The following PPIL6 variants were observed in gnomAD, a reference collection of about 807,000 sequenced individuals.
PPIL6 encodes the protein peptidylprolyl isomerase like 6.
A neutral mutation model predicts 36.8 loss-of-function variants in PPIL6; 39 were observed. That is an observed-to-expected ratio of 1.06 (90% CI 0.82 to 1.38). The LOEUF (loss-of-function observed/expected upper bound fraction) is 1.38. Among genes scored for constraint, PPIL6 ranks in the 40% most tolerant of loss-of-function variants. The pLI is 0.00. For missense variants in PPIL6, 368 were observed against 379.1 expected, an observed-to-expected ratio of 0.97 and a Z score of 0.24; for synonymous variants, 123 against 134.1, an observed-to-expected ratio of 0.92 and a Z score of 0.57.
chr6:109,416,131 C>T (rs1345900010), intron 6 of PPIL6, among the ~76,000 whole-genome samples: 1 of 151,248 alleles, frequency 6.6e-6, no homozygotes, highest in Non-Finnish European at 1.5e-5. Context: ...CACAACAGTA[C>T]AGTTAGCCTA....
intron 7 of PPIL6, among the ~76,000 whole-genome samples, chr6:109,396,684 C>G (rs966619758): frequency 2.0e-5 from 3 of 152,048 alleles, no homozygotes; most frequent in Non-Finnish European, 4.4e-5. Flanking sequence ...ATAATTCCCC[C>G]TCCCCCAAAC....
chr6:109,424,307 T>A (rs770905328), intron 5 of PPIL6, among the ~76,000 whole-genome samples: 1 of 152,054 alleles, frequency 6.6e-6, no homozygotes, highest in Non-Finnish European at 1.5e-5. Context: ...TCAGGGCCAA[T>A]GCATGCTTGA....
At chr6:109,404,472 A>C (rs1252084780) in intron 6 of PPIL6, among the ~76,000 whole-genome samples, 2 of 152,262 alleles carry the variant, frequency 1.3e-5, no homozygotes, top group Middle Eastern at 3.4e-3. Context: ...TTCTTTTCCC[A>C]CAGCACTCAG....
At position 109,401,815 on chromosome 6, in the gene PPIL6, C is replaced by CCT. The variant is rs397726632; in HGVS notation, c.689-1646_689-1645insAG. 1.4e-4 allele frequency among the ~76,000 whole-genome samples: 5 copies of CCT among 36,928 alleles called. No individual in the cohort carries two copies. The African/African-American group carries it at 1.4e-3, about 11-fold the overall frequency. The allele number at this position is 36,928 out of a possible 152,430, so 24.2% of individuals were successfully genotyped here. A position where few individuals can be genotyped will look rare whatever the true frequency, so the allele number is the denominator to read the frequency against. ...TCTTGGTTCACTGCAAGCTGCGCCT[C>CCT]GGGTTCATGCCATTCTCCTGCCTCA... is the stretch of plus-strand genomic sequence containing the variant. On this transcript the variant is annotated intron_variant, in intron 6 of 7. Transcript: ENST00000521072.
chr6:109,417,745 C>T (rs1454819083), intron 6 of PPIL6, among the ~76,000 whole-genome samples: 1 of 152,198 alleles, frequency 6.6e-6, no homozygotes, highest in Non-Finnish European at 1.5e-5. Flanking sequence ...TGCATAAAGG[C>T]CATTGCGACC....
chr6:109,416,665 T>A (rs556637787), intron 6 of PPIL6, among the ~76,000 whole-genome samples: 6 of 152,282 alleles, frequency 3.9e-5, no homozygotes, highest in African/African-American at 1.4e-4. Flanking sequence ...TATCTGGACA[T>A]TTTTAAAGCC....
intron 6 of PPIL6, among the ~76,000 whole-genome samples, chr6:109,412,388 C>T (rs1293338080): frequency 6.6e-6 from 1 of 152,194 alleles, no homozygotes; most frequent in Non-Finnish European, 1.5e-5. Context: ...ATAGAAAAAA[C>T]AATCCTAAAA....
intron 6 of PPIL6, among the ~76,000 whole-genome samples, chr6:109,411,219 G>A (rs1325188863): frequency 1.3e-5 from 2 of 152,164 alleles, no homozygotes; most frequent in South Asian, 4.1e-4. Context: ...AATTCTGGCA[G>A]GAATTGGCAG....
chr6:109,440,703 G>T, upstream of PPIL6: 1 of 786,604 alleles, frequency 1.3e-6, no homozygotes, highest in Non-Finnish European at 1.6e-6. Context: ...GTCGAGGGCG[G>T]CCCGTGGCGG....
At chr6:109,401,026 A>ATTTTTTTTTTTT (rs749611966) in intron 6 of PPIL6, among the ~76,000 whole-genome samples, 194 of 114,852 alleles carry the variant, frequency 1.7e-3, no homozygotes, top group Middle Eastern at 5.0e-3. Flanking sequence ...TGCCCGGCTA[A>ATTTTTTTTTTTT]TTTTTTTTTT....
intron 6 of PPIL6, among the ~76,000 whole-genome samples, chr6:109,402,106 G>T (rs960247079): frequency 6.6e-6 from 1 of 152,086 alleles, no homozygotes; most frequent in Non-Finnish European, 1.5e-5. Context: ...TTTAAAAATT[G>T]GGAAAGAAAA....
rs529870134 is a variant in PPIL6 at position 109,419,089 on chromosome 6, C to T, written c.688+98G>A. 1.5e-4 allele frequency: 118 copies of T among 795,912 alleles called. 1 individual carries two copies. The South Asian group carries it at 1.8e-3, about 12-fold the overall frequency. The allele number at this position is 795,912 out of a possible 1,614,324, so 49.3% of individuals were successfully genotyped here. ...CCTCTTGCTTGTACTGTAAGTATTGCCCCCAGTGATATCTTATTTGGAATT... is the reference window on the plus strand; with the variant it reads ...CCTCTTGCTTGTACTGTAAGTATTGTCCCCAGTGATATCTTATTTGGAATT... On this transcript the variant is annotated intron_variant, in intron 6 of 7. Transcript: ENST00000521072.
chr6:109,424,565 G>C (rs1272912717), intron 5 of PPIL6, among the ~76,000 whole-genome samples: 2 of 152,184 alleles, frequency 1.3e-5, no homozygotes, highest in Non-Finnish European at 2.9e-5. Flanking sequence ...TCTTGAATAG[G>C]AGCTGGGTAA....
chr6:109,394,740 C>T (rs1279379411), intron 7 of PPIL6, among the ~76,000 whole-genome samples: 2 of 152,162 alleles, frequency 1.3e-5, no homozygotes, highest in Non-Finnish European at 2.9e-5. Context: ...CATTTCTGTC[C>T]AAAGAGAGTA....
Position 109,400,149 on chromosome 6 carries a change from T to C in PPIL6, c.710A>G (p.His237Arg), listed in dbSNP as rs747331119. ...TFEDENFSVP[H>R]NKRGVLGMAN... ...CATTCCAAGTACTCCTCTTTTATTA[T>C]GAGGAACTGAAAAGTTTTCATCTAG... The change falls in exon 7 of 8, where the codon CAT becomes CGT. Residue 237 changes from histidine (H) to arginine (R), a missense_variant. Transcript: ENST00000521072. 4 of 1,612,606 alleles carry C rather than the reference T, an allele frequency of 2.5e-6. No individual in the cohort carries two copies. The Admixed American group carries it at 5.0e-5, about 20-fold the overall frequency.
intron 5 of PPIL6, among the ~76,000 whole-genome samples, chr6:109,423,168 A>G (rs1033723514): frequency 2.0e-5 from 3 of 152,116 alleles, no homozygotes; most frequent in African/African-American, 7.2e-5. Flanking sequence ...GGAGTTCAAG[A>G]CCAGTCTGGC....
At chr6:109,416,711 T>C (rs1773276676) in intron 6 of PPIL6, among the ~76,000 whole-genome samples, 1 of 152,184 alleles carries the variant, frequency 6.6e-6, no homozygotes, top group African/African-American at 2.4e-5. Context: ...CATCTTTTGC[T>C]GGAATTAAAT....
At chr6:109,431,747 T>C (rs2115279784) in intron 2 of PPIL6, among the ~76,000 whole-genome samples, 1 of 152,320 alleles carries the variant, frequency 6.6e-6, no homozygotes, top group East Asian at 1.9e-4. Context: ...CAAACAGCCA[T>C]AAAAAGCCAT....
chr6:109,409,288 G>A (rs1417712857), intron 6 of PPIL6, among the ~76,000 whole-genome samples: 1 of 152,158 alleles, frequency 6.6e-6, no homozygotes, highest in Non-Finnish European at 1.5e-5. Flanking sequence ...CAGGTCAGGT[G>A]CGGTGGCTCA....
Sources: allele counts gnomAD v4.1 joint callset (sites outside exome capture counted in the v4.1 genomes callset), GRCh38; gene constraint gnomAD v4.1.1; transcripts MANE v1.5; gene names NCBI Gene and HGNC (gene_info 2026-07-23, HGNC 2026-07-21).